The following MYO6 variants were observed in gnomAD, a reference collection of about 807,000 sequenced individuals.
The protein encoded by MYO6 is unconventional myosin-VI.
Under a neutral mutation model 178.7 loss-of-function variants are expected in MYO6, and 74 were observed. The ratio of observed to expected loss-of-function variants is 0.41; its 90% confidence interval spans 0.34 to 0.50. MYO6 has a LOEUF of 0.50. Ranked by LOEUF, MYO6 falls within the 20% of genes least tolerant of loss-of-function variation. The probability of loss-of-function intolerance (pLI) is 0.09; values close to 1 mark genes in which losing one functional copy is unlikely to be tolerated. For missense variants in MYO6, 1,330 were observed against 1,547.4 expected, an observed-to-expected ratio of 0.86 and a Z score of 2.36; for synonymous variants, 477 against 504.6, an observed-to-expected ratio of 0.95 and a Z score of 0.73.
intron 9 of MYO6, 80 bp from the exon 10 acceptor site, chr6:75,844,817 A>G: frequency 8.9e-7 from 1 of 1,129,500 alleles, no homozygotes; most frequent in Non-Finnish European, 1.3e-6. Flanking sequence ...GGTTGGCACT[A>G]TTTGGTAAGT....
At chr6:75,851,770 G>T (rs998169073) in intron 11 of MYO6, among the ~76,000 whole-genome samples, 34 of 152,090 alleles carry the variant, frequency 2.2e-4, no homozygotes, top group African/African-American at 8.2e-4. Flanking sequence ...GAGCCCTGGC[G>T]GTCGAGGCTG....
chr6:75,881,422 A>AT (rs1307438005), intron 22 of MYO6, among the ~76,000 whole-genome samples: 39 of 102,196 alleles, frequency 3.8e-4, no homozygotes, highest in African/African-American at 1.2e-3. Flanking sequence ...TTTAAAAGTC[A>AT]TCCCCCCCCC....
chr6:75,833,009 T>C, intron 6 of MYO6, 62 bp downstream of exon 6: 2 of 1,167,848 alleles, frequency 1.7e-6, no homozygotes, highest in South Asian at 2.5e-5. Context: ...CCCCTTGAGA[T>C]AGGGTCTTAC....
At chr6:75,897,487 AATACAGGAGTGTTCTACTCCT>A (rs1382265790) in intron 29 of MYO6, among the ~76,000 whole-genome samples, 2 of 152,182 alleles carry the variant, frequency 1.3e-5, no homozygotes, top group East Asian at 3.8e-4. Flanking sequence ...AGAAAAGAGG[AATACAGGAGTGTTCTACTCCT>A]TTAGTCAGGG....
rs190546290 is a variant in MYO6 at position 75,803,011 on chromosome 6, C to A, written c.-47-14490C>A. On this transcript the variant is annotated intron_variant, in intron 1 of 34. Transcript: ENST00000369977. ...ACAGGGCTTTTTCTGAAAAAGTCTA[C>A]TTTTTGTCCATATTATTGTAATAAC... Among the ~76,000 whole-genome samples, 36 of 152,206 alleles carry A rather than the reference C, an allele frequency of 2.4e-4. 1 individual carries two copies. Among genetic ancestry groups the A allele is most frequent in the Admixed American group, 2.2e-3 (33 of 15,268 alleles).
At chr6:75,886,232 A>G in intron 24 of MYO6, 138 bp downstream of exon 24, 1 of 632,566 alleles carries the variant, frequency 1.6e-6, no homozygotes, top group Non-Finnish European at 2.8e-6. Flanking sequence ...TTAGTCTTTT[A>G]TTTGTAATAT....
chr6:75,859,042 A>C, intron 14 of MYO6, 49 bp downstream of exon 14: 1 of 1,232,036 alleles, frequency 8.1e-7, no homozygotes, highest in Non-Finnish European at 1.2e-6. Context: ...AGCTATTTTA[A>C]ATTTTAAGGA....
At chr6:75,753,455 G>GTGTGTGTGTGTGTATATATATATATA (rs370647728) in intron 1 of MYO6, among the ~76,000 whole-genome samples, 2 of 140,040 alleles carry the variant, frequency 1.4e-5, no homozygotes, top group African/African-American at 5.4e-5. Context: ...GTGTGTGTGT[G>GTGTGTGTGTGTGTATATATATATATA]TATATATATA....
At chr6:75,902,881 C>G (rs1308386346) in intron 30 of MYO6, among the ~76,000 whole-genome samples, 2 of 151,826 alleles carry the variant, frequency 1.3e-5, no homozygotes, top group African/African-American at 2.4e-5. Flanking sequence ...AAATTTCCCT[C>G]TACACACTGC....
intron 16 of MYO6, among the ~76,000 whole-genome samples, chr6:75,863,211 C>A (rs1488072579): frequency 6.6e-6 from 1 of 152,148 alleles, no homozygotes; most frequent in Non-Finnish European, 1.5e-5. Flanking sequence ...CACTCGGAGT[C>A]GCAAGCAGCC....
In MYO6 at chr6:75,892,558, A is replaced by G; in HGVS notation, c.2975A>G (p.Gln992Arg). ...QAEVEAQLARQKEEESQQQAV... is the reference protein window; with the variant it reads ...QAEVEAQLARRKEEESQQQAV... ...GAAGTGGAGGCACAGCTGGCCCGAC[A>G]GAAGGAGGAGGAATCCCAACAGCAA... The change falls in exon 28 of 35, where the codon CAG (glutamine) becomes CGG (arginine). Residue 992 changes from glutamine to arginine, a missense_variant. Transcript: ENST00000369977. The G allele has an allele frequency of 1.9e-6, 3 of 1,613,984 alleles. No individual in the cohort carries two copies. The highest frequency in any genetic ancestry group is 2.5e-6 in the Non-Finnish European group (3 of 1,180,020).
chr6:75,822,884 C>T (rs2150185517), intron 3 of MYO6, 33 bp downstream of exon 3: 5 of 1,504,648 alleles, frequency 3.3e-6, no homozygotes, highest in East Asian at 4.5e-5. Flanking sequence ...ACTCTCCGCA[C>T]AGAAAAGGAG....
At chr6:75,866,711 T>C in intron 17 of MYO6, 90 bp downstream of exon 17, 6 of 1,220,668 alleles carry the variant, frequency 4.9e-6, no homozygotes, top group African/African-American at 1.5e-5. Flanking sequence ...TTATTAATTA[T>C]TTCACGTGGT....
At chr6:75,859,813 C>T (rs1326614992) in intron 14 of MYO6, among the ~76,000 whole-genome samples, 4 of 152,212 alleles carry the variant, frequency 2.6e-5, no homozygotes, top group African/African-American at 7.2e-5. Flanking sequence ...GCACGCGCCA[C>T]CATGGCCGGC....
intron 1 of MYO6, among the ~76,000 whole-genome samples, chr6:75,795,136 A>G (rs1768670961): frequency 6.6e-6 from 1 of 152,212 alleles, no homozygotes; most frequent in African/African-American, 2.4e-5. Context: ...CTTAATGCCT[A>G]CGGACTTAAA....
intron 7 of MYO6, among the ~76,000 whole-genome samples, chr6:75,836,970 T>C (rs1251928784): frequency 6.6e-6 from 1 of 152,210 alleles, no homozygotes; most frequent in African/African-American, 2.4e-5. Flanking sequence ...CCCACAGTGC[T>C]CTGTGTGGTC....
At chr6:75,897,368 A>G (rs1195213034) in intron 29 of MYO6, among the ~76,000 whole-genome samples, 1 of 152,204 alleles carries the variant, frequency 6.6e-6, no homozygotes, top group Non-Finnish European at 1.5e-5. Flanking sequence ...TATTTGTGTT[A>G]TATTTTGTTT....
In MYO6 at chr6:75,917,627, A is replaced by G. The variant is rs774247980; in HGVS notation, c.*2615A>G. The G allele has an allele frequency of 6.6e-6, 1 of 152,256 alleles. No individual in the cohort carries two copies. The highest frequency in any genetic ancestry group is 1.9e-4 in the East Asian group (1 of 5,200). The allele number at this position is 152,256 out of a possible 1,614,324, so 9.4% of individuals were successfully genotyped here. A position where few individuals can be genotyped will look rare whatever the true frequency, so the allele number is the denominator to read the frequency against. ...GCACAGGGCCACACAAAGGCATTCT[A>G]TTGTTATGCTCATTCTGCTTCTGTA... On this transcript the variant is annotated 3_prime_UTR_variant, in exon 35 of 35. Coordinates refer to ENST00000369977, the MANE Select transcript of MYO6 (RefSeq NM_004999.4).
intron 1 of MYO6, among the ~76,000 whole-genome samples, chr6:75,811,133 G>C (rs954587515): frequency 1.3e-5 from 2 of 152,042 alleles, no homozygotes; most frequent in Non-Finnish European, 2.9e-5. Flanking sequence ...GGGTAGGGGG[G>C]CAGTTTTTCC....
Sources: gnomAD v4.1 joint callset for allele counts (sites outside exome capture counted in the v4.1 genomes callset) on GRCh38, gnomAD v4.1.1 for gene constraint, MANE v1.5 for transcripts, NCBI Gene and HGNC (gene_info 2026-07-23, HGNC 2026-07-21) for gene names.